Variants in CPEB1 observed in about 807,000 individuals in gnomAD.
CPEB1 encodes cytoplasmic polyadenylation element binding protein 1, also known as cytoplasmic polyadenylation element-binding protein 1.
CPEB1 carries 7 observed loss-of-function variants against 65.8 expected under a neutral mutation model. The ratio of observed to expected loss-of-function variants is 0.11; its 90% confidence interval spans 0.06 to 0.20. The LOEUF (loss-of-function observed/expected upper bound fraction) is 0.20. CPEB1 is among the 10% of genes least tolerant of loss of function. The probability of loss-of-function intolerance (pLI) is 1.00; values close to 1 mark genes in which losing one functional copy is unlikely to be tolerated. For synonymous variants in CPEB1, 262 were observed against 260.0 expected, an observed-to-expected ratio of 1.01 and a Z score of -0.08; for missense variants, 551 against 712.2, an observed-to-expected ratio of 0.77 and a Z score of 2.58.
chr15:82,629,664 C>A lies in CPEB1; in HGVS notation c.-97-1108G>T, dbSNP rs1318936821. On this transcript the variant is annotated intron_variant, in intron 1 of 12. Transcript: ENST00000684509. Reference sequence around the variant, plus strand: ...ATTGAGTTTTTTAAGGGGAGCCTGCCTCATCAGTTCTATTATCCTCAATTA... The same window carrying A: ...ATTGAGTTTTTTAAGGGGAGCCTGCATCATCAGTTCTATTATCCTCAATTA... The A allele has an allele frequency of 4.1e-6, 4 of 981,116 alleles. No homozygotes were observed. In the African/African-American group the frequency reaches 7.0e-5, roughly 17 times the overall value. 60.8% of individuals were successfully genotyped at this position (981,116 alleles called of 1,614,324 possible). A position where few individuals can be genotyped will look rare whatever the true frequency, so the allele number is the denominator to read the frequency against.
intron 2 of CPEB1, 181 bp downstream of exon 2, chr15:82,628,183 C>G (rs1300467834): frequency 1.4e-6 from 1 of 700,914 alleles, no homozygotes; most frequent in Admixed American, 2.0e-5. Flanking sequence ...TGAAAGCCAT[C>G]ATGCCCAAAA....
chr15:82,636,943 T>G (rs1388265302), intron 1 of CPEB1, among the ~76,000 whole-genome samples: 1 of 152,176 alleles, frequency 6.6e-6, no homozygotes, highest in African/African-American at 2.4e-5. Context: ...ATTTTGGGAT[T>G]TGGGGTTTTA....
intron 3 of CPEB1, among the ~76,000 whole-genome samples, chr15:82,589,305 G>C (rs1054677810): frequency 6.6e-6 from 1 of 152,196 alleles, no homozygotes; most frequent in African/African-American, 2.4e-5. Flanking sequence ...CTGACTACTT[G>C]TTATTCAGTC....
chr15:82,619,976 C>T (rs544048715), intron 3 of CPEB1, among the ~76,000 whole-genome samples: 36 of 152,210 alleles, frequency 2.4e-4, no homozygotes, highest in African/African-American at 8.2e-4. Flanking sequence ...TCGCAATGGC[C>T]CCAAACTGGA....
intron 3 of CPEB1, among the ~76,000 whole-genome samples, chr15:82,586,986 T>C (rs2041855522): frequency 6.6e-6 from 1 of 152,182 alleles, no homozygotes; most frequent in Non-Finnish European, 1.5e-5. Flanking sequence ...ATTGCAATTG[T>C]CTTTAAGACA....
At chr15:82,644,280 T>A (rs2047325895) in intron 1 of CPEB1, among the ~76,000 whole-genome samples, 1 of 152,166 alleles carries the variant, frequency 6.6e-6, no homozygotes, top group Non-Finnish European at 1.5e-5. Context: ...GACCACCACC[T>A]TTTTTCTAGA....
At chr15:82,616,895 T>C (rs1435840461) in intron 3 of CPEB1, among the ~76,000 whole-genome samples, 2 of 152,330 alleles carry the variant, frequency 1.3e-5, no homozygotes, top group East Asian at 1.9e-4. Context: ...ATTCAAAGTG[T>C]AGAATTTGAT....
intron 3 of CPEB1, among the ~76,000 whole-genome samples, chr15:82,619,417 A>C (rs981982362): frequency 6.6e-6 from 1 of 152,210 alleles, no homozygotes; most frequent in African/African-American, 2.4e-5. Flanking sequence ...CATTAAACAC[A>C]ATGGAATAAA....
chr15:82,606,404 G>A (rs1596095615), intron 3 of CPEB1, among the ~76,000 whole-genome samples: 1 of 151,356 alleles, frequency 6.6e-6, no homozygotes, highest in South Asian at 2.1e-4. Context: ...AGGAGCTGAG[G>A]GGTTACAGTG....
At position 82,571,485 on chromosome 15, in the gene CPEB1, T is replaced by A; in HGVS notation, c.319A>T (p.Thr107Ser). 1.2e-6 allele frequency: 2 copies of A among 1,614,120 alleles called. No homozygotes were observed. Among genetic ancestry groups the A allele is most frequent in the African/African-American group, 1.3e-5 (1 of 75,026 alleles). ...ETVTSRMLFP[T>S]SAQESSRGLP... is the part of the protein sequence containing the mutation. ...CCACGGGAAGATTCTTGCGCAGAGG[T>A]TGGGAAAAGCATCCTGCTTGTAACT... The change falls in exon 4 of 13, where the codon ACC (threonine) becomes TCC (serine). Residue 107 changes from threonine to serine, a missense_variant. Thr to Ser is a moderately conservative substitution (Grantham distance 58). This residue lies in a region of CPEB1 where 223 missense variants were observed against 228.6 expected (regional missense o/e 0.98). Transcript: ENST00000684509.
At chr15:82,606,817 C>CAA (rs56078202) in intron 3 of CPEB1, among the ~76,000 whole-genome samples, 3 of 82,966 alleles carry the variant, frequency 3.6e-5, no homozygotes, top group Non-Finnish European at 4.9e-5. Flanking sequence ...GACTCCGTCT[C>CAA]AAAAAAAAAA....
rs1262662966 is a variant in CPEB1, at chr15:82,575,266, T to C, written c.272-3734A>G. On this transcript the variant is annotated intron_variant, in intron 3 of 12. Transcript: ENST00000684509. The stretch of plus-strand genomic sequence containing the variant: ...TAACAAATGGCACTGGAACACCATA[T>C]GGGGAGGAGGGAATAAACTCTGACC... Among the ~76,000 whole-genome samples the C allele has an allele frequency of 4.6e-5, 7 of 152,274 alleles. No homozygotes were observed. The East Asian group carries it at 1.2e-3, about 25-fold the overall frequency.
intron 3 of CPEB1, among the ~76,000 whole-genome samples, chr15:82,587,615 T>C (rs78616413): frequency 6.6e-6 from 1 of 152,190 alleles, no homozygotes; most frequent in Admixed American, 6.5e-5. Flanking sequence ...GTAGCACGTA[T>C]GAATCTTTAC....
At chr15:82,613,829 C>T (rs2044416868) in intron 3 of CPEB1, among the ~76,000 whole-genome samples, 2 of 152,200 alleles carry the variant, frequency 1.3e-5, no homozygotes. Flanking sequence ...GACACTCACC[C>T]TGGATGGGAG....
chr15:82,587,718 G>A (rs1014636143), intron 3 of CPEB1, among the ~76,000 whole-genome samples: 2 of 152,174 alleles, frequency 1.3e-5, no homozygotes, highest in Non-Finnish European at 2.9e-5. Context: ...CTCTCTGACA[G>A]AGAAATTCAC....
At chr15:82,632,203 T>C (rs528629967) in intron 1 of CPEB1, among the ~76,000 whole-genome samples, 1 of 151,972 alleles carries the variant, frequency 6.6e-6, no homozygotes, top group Non-Finnish European at 1.5e-5. Context: ...AGGATGGTCT[T>C]GATCTCCTGA....
At chr15:82,551,541 C>T (rs971808432) in intron 9 of CPEB1, among the ~76,000 whole-genome samples, 8 of 152,176 alleles carry the variant, frequency 5.3e-5, no homozygotes, top group Non-Finnish European at 1.5e-5. Flanking sequence ...CCTAAAAATC[C>T]TCTGTGCTAT....
At chr15:82,601,230 T>C (rs1276881335) in intron 3 of CPEB1, among the ~76,000 whole-genome samples, 1 of 97,948 alleles carries the variant, frequency 1.0e-5, no homozygotes, top group African/African-American at 6.1e-5. Flanking sequence ...ACTTCTAATG[T>C]GGTTTTCTTA....
At chr15:82,629,235 GAC>G in intron 1 of CPEB1, 1 of 983,098 alleles carries the variant, frequency 1.0e-6, no homozygotes, top group South Asian at 4.7e-5. Context: ...ACTTTTTGAT[GAC>G]ATATGTAAAG....
Sources: allele counts gnomAD v4.1 joint callset (sites outside exome capture counted in the v4.1 genomes callset), GRCh38; gene constraint gnomAD v4.1.1; regional missense constraint gnomAD v4.1.1; transcripts MANE v1.5; gene names NCBI Gene and HGNC (gene_info 2026-07-23, HGNC 2026-07-21).